KLF12: variants seen among roughly 807,000 people sequenced by gnomAD.
KLF12 encodes KLF transcription factor 12.
A neutral mutation model predicts 37.8 loss-of-function variants in KLF12; 9 were observed. The ratio of observed to expected loss-of-function variants is 0.24; its 90% CI spans 0.14 to 0.42. The LOEUF is 0.42. Ranked by LOEUF, KLF12 falls within the 10% of genes least tolerant of loss-of-function variation. The probability of loss-of-function intolerance (pLI) is 1.00; values close to 1 mark genes in which losing one functional copy is unlikely to be tolerated. For synonymous variants in KLF12, 208 were observed against 202.1 expected (o/e 1.03, Z -0.25); for missense variants, 411 against 516.0 (o/e 0.80, Z 1.97).
chr13:73,811,682 T>C (rs185788750), intron 5 of KLF12, among the ~76,000 whole-genome samples: 7 of 152,294 alleles, frequency 4.6e-5, no homozygotes, highest in Non-Finnish European at 7.4e-5. Context: ...TCAGAGTGAT[T>C]AAATAACTTG....
intron 3 of KLF12, among the ~76,000 whole-genome samples, chr13:73,931,525 G>C: frequency 6.6e-6 from 1 of 152,088 alleles, no homozygotes; most frequent in East Asian, 1.9e-4. Flanking sequence ...GAGGAGAAGA[G>C]CAAATTTAGC....
the KLF12 span, among the ~76,000 whole-genome samples, chr13:74,231,076 C>T: frequency 9.3e-5 from 14 of 151,224 alleles, no homozygotes; most frequent in Admixed American, 4.0e-4. Flanking sequence ...AGTGTATAAA[C>T]CAAGTATCTC....
chr13:73,722,622 T>A (rs145254588), intron 6 of KLF12, among the ~76,000 whole-genome samples: 2 of 152,340 alleles, frequency 1.3e-5, no homozygotes, highest in African/African-American at 4.8e-5. Context: ...AGATTAGTAG[T>A]TGCCACCCTT....
At chr13:74,186,188 GA>G in the KLF12 span, among the ~76,000 whole-genome samples, 1 of 152,060 alleles carries the variant, frequency 6.6e-6, no homozygotes, top group Non-Finnish European at 1.5e-5. Flanking sequence ...TCTTGTCTAA[GA>G]GATTTTTTTT....
At chr13:74,120,551 T>C (rs1235221455) in intron 1 of KLF12, among the ~76,000 whole-genome samples, 2 of 151,812 alleles carry the variant, frequency 1.3e-5, no homozygotes, top group Non-Finnish European at 2.9e-5. Context: ...TATGATACTA[T>C]ATAAAAACAT....
intron 6 of KLF12, among the ~76,000 whole-genome samples, chr13:73,743,672 G>C (rs1464707654): frequency 6.6e-6 from 1 of 152,080 alleles, no homozygotes; most frequent in African/African-American, 2.4e-5. Flanking sequence ...TATATGTGTG[G>C]GTTTATGTGT....
chr13:73,769,082 TAAG>T (rs1880114346), intron 5 of KLF12, among the ~76,000 whole-genome samples: 1 of 152,252 alleles, frequency 6.6e-6, no homozygotes, highest in Non-Finnish European at 1.5e-5. Context: ...TGGGTACTTA[TAAG>T]AAGCACAGTC....
At chr13:74,102,110 C>T (rs139225160) in intron 1 of KLF12, among the ~76,000 whole-genome samples, 9 of 151,404 alleles carry the variant, frequency 5.9e-5, no homozygotes, top group African/African-American at 2.2e-4. Context: ...TCCAGCTACT[C>T]GGGAAGCTGA....
At chr13:74,083,094 C>T (rs1004041942) in intron 1 of KLF12, among the ~76,000 whole-genome samples, 1 of 152,180 alleles carries the variant, frequency 6.6e-6, no homozygotes, top group African/African-American at 2.4e-5. Flanking sequence ...ACACAGTGAG[C>T]TCAAACATCC....
At chr13:74,251,823 T>G in the KLF12 span, among the ~76,000 whole-genome samples, 1 of 152,214 alleles carries the variant, frequency 6.6e-6, no homozygotes, top group Non-Finnish European at 1.5e-5. Flanking sequence ...AAATGTAATA[T>G]TCTTTCTGGC....
chr13:73,875,865 A>G (rs773573885), intron 3 of KLF12, among the ~76,000 whole-genome samples: 1 of 152,182 alleles, frequency 6.6e-6, no homozygotes, highest in Non-Finnish European at 1.5e-5. Context: ...AATCTGAATG[A>G]TCTGAAACAA....
At chr13:73,771,610 C>G (rs1419389016) in intron 5 of KLF12, among the ~76,000 whole-genome samples, 2 of 152,190 alleles carry the variant, frequency 1.3e-5, no homozygotes, top group African/African-American at 4.8e-5. Flanking sequence ...ATTATTAATT[C>G]AATCCAACAA....
the KLF12 span, among the ~76,000 whole-genome samples, chr13:74,204,607 A>T: frequency 1.3e-5 from 2 of 152,000 alleles, no homozygotes; most frequent in Admixed American, 6.6e-5. Flanking sequence ...TTTGAGGAGG[A>T]TTTATTGCAG....
chr13:73,875,658 C>T (rs1215157294), intron 3 of KLF12, among the ~76,000 whole-genome samples: 2 of 152,052 alleles, frequency 1.3e-5, no homozygotes, highest in Non-Finnish European at 2.9e-5. Context: ...ACCAGCTTTT[C>T]CTGCTTGACA....
the KLF12 span, among the ~76,000 whole-genome samples, chr13:74,169,045 A>G: frequency 1.5e-3 from 231 of 152,318 alleles, no homozygotes; most frequent in African/African-American, 5.1e-3. Flanking sequence ...CTTCAAAGCA[A>G]GAGTCTTAGA....
intron 3 of KLF12, among the ~76,000 whole-genome samples, chr13:73,890,838 C>T (rs1887471860): frequency 6.6e-6 from 1 of 152,220 alleles, no homozygotes; most frequent in African/African-American, 2.4e-5. Context: ...TTTCTGCTTT[C>T]CTTAGTCCTT....
intron 6 of KLF12, among the ~76,000 whole-genome samples, chr13:73,739,897 T>A (rs1877834028): frequency 6.6e-6 from 1 of 152,250 alleles, no homozygotes; most frequent in South Asian, 2.1e-4. Flanking sequence ...CAATTCCAAA[T>A]CACAGTTTTT....
At chr13:73,804,226 T>G (rs1202943612) in intron 5 of KLF12, among the ~76,000 whole-genome samples, 2 of 152,210 alleles carry the variant, frequency 1.3e-5, no homozygotes, top group East Asian at 3.9e-4. Context: ...ACTTAATGTT[T>G]TTATCCCATT....
intron 6 of KLF12, among the ~76,000 whole-genome samples, chr13:73,755,101 A>G (rs1029056071): frequency 5.3e-5 from 8 of 152,320 alleles, no homozygotes; most frequent in African/African-American, 1.9e-4. Flanking sequence ...CAAAGAGTAC[A>G]ATATAATTCA....
Sources: allele counts gnomAD v4.1 joint callset (sites outside exome capture counted in the v4.1 genomes callset), GRCh38; gene constraint gnomAD v4.1.1; transcripts MANE v1.5; gene names NCBI Gene and HGNC (gene_info 2026-07-23, HGNC 2026-07-21).